Variants in SH3D19 observed in about 807,000 individuals in gnomAD.
SH3D19 encodes the protein SH3 domain containing 19.
In SH3D19, 58 loss-of-function variants were observed where a neutral mutation model predicts 112.1. The ratio of observed to expected loss-of-function variants is 0.52; its 90% CI spans 0.42 to 0.64. The LOEUF is 0.64. SH3D19 is among the 30% of genes least tolerant of loss of function. The pLI is 0.00. For missense variants in SH3D19, 1,090 were observed against 1,263.4 expected, an observed-to-expected ratio of 0.86 and a Z score of 2.08; for synonymous variants, 391 against 448.5, an observed-to-expected ratio of 0.87 and a Z score of 1.62.
chr4:151,206,698 C>A (rs914615451), intron 2 of SH3D19, among the ~76,000 whole-genome samples: 1 of 152,098 alleles, frequency 6.6e-6, no homozygotes, highest in African/African-American at 2.4e-5. Context: ...ACAACTGAAA[C>A]CCCTTTAAAC....
Position 151,135,749 on chromosome 4 carries a change from A to G in SH3D19, c.2428-617T>C, listed in dbSNP as rs548368004. Among the ~76,000 whole-genome samples, 24 of 152,248 alleles carry G rather than the reference A, an allele frequency of 1.6e-4. No homozygotes were observed. The South Asian group carries it at 5.0e-3, about 32-fold the overall frequency. On this transcript the variant is annotated intron_variant, in intron 14 of 19. Coordinates refer to ENST00000604030, the MANE Select transcript of SH3D19 (RefSeq NM_001378122.1). ...CTGCCAGCTCTATACCATATTTTCC[A>G]GGTTGAAAACTGCAGCTGAGAAGGA...
chr4:151,252,697 A>G (rs1771510890), intron 1 of SH3D19, among the ~76,000 whole-genome samples: 1 of 152,234 alleles, frequency 6.6e-6, no homozygotes, highest in Non-Finnish European at 1.5e-5. Flanking sequence ...TGCCTACTGG[A>G]CATCTCCAGC....
At chr4:151,186,047 A>G (rs546102029) in intron 3 of SH3D19, among the ~76,000 whole-genome samples, 4 of 152,182 alleles carry the variant, frequency 2.6e-5, no homozygotes, top group Admixed American at 1.3e-4. Flanking sequence ...ATCGGGGGGG[A>G]AAAACAACCA....
chr4:151,198,238 G>C (rs1763773066), intron 2 of SH3D19, among the ~76,000 whole-genome samples: 1 of 149,832 alleles, frequency 6.7e-6, no homozygotes, highest in East Asian at 1.9e-4. Flanking sequence ...CCGAGAGGTG[G>C]AGGTTGCAGT....
At chr4:151,222,469 T>A (rs992622708) in intron 2 of SH3D19, among the ~76,000 whole-genome samples, 2 of 152,160 alleles carry the variant, frequency 1.3e-5, no homozygotes, top group Non-Finnish European at 2.9e-5. Flanking sequence ...CTCCTAAGAA[T>A]CACATTCTCC....
rs754699935 is a variant in SH3D19, at chr4:151,174,707, G to C, written c.1497C>G (p.Asn499Lys). Residue 499 changes from asparagine (N) to lysine (K), a missense_variant, in exon 7 of 20, where the codon AAC becomes AAG. Transcript: ENST00000604030. ...DDDVLPTPSG[N>K]LAEESVGSEM... ...CTGAACCAACAGATTCTTCAGCCAG[G>C]TTCCCCGATGGGGTGGGCAAAACAT... 1 of 1,513,854 alleles carries C rather than the reference G, an allele frequency of 6.6e-7. No individual in the cohort carries two copies. The highest frequency in any genetic ancestry group is 8.8e-7 in the Non-Finnish European group (1 of 1,132,898). The allele number at this position is 1,513,854 out of a possible 1,614,324, so 93.8% of individuals were successfully genotyped here.
intron 1 of SH3D19, among the ~76,000 whole-genome samples, chr4:151,265,800 G>A (rs1344305456): frequency 6.6e-6 from 1 of 151,746 alleles, no homozygotes; most frequent in Non-Finnish European, 1.5e-5. Context: ...GCCCAGGTTG[G>A]TAATGAACTC....
rs1760000792 is a variant in SH3D19, at chr4:151,176,679, T to C, written c.384A>G (p.Pro128=). The change falls in exon 6 of 20, where the codon CCA becomes CCG. Residue 128 remains proline (P), a synonymous_variant. Coordinates refer to ENST00000604030, the MANE Select transcript of SH3D19 (RefSeq NM_001378122.1). ...PNELVPAELP[P]SYEQVIKEIN... ...TTTCTTTTATAACTTGTTCATAAGA[T>C]GGTGGGAGCTGAAAAGTAAAGAATG... 8.1e-7 allele frequency: 1 copy of C among 1,232,086 alleles called. No individual in the cohort carries two copies. Among genetic ancestry groups the C allele is most frequent in the African/African-American group, 1.5e-5 (1 of 64,552 alleles). 76.3% of individuals were successfully genotyped at this position (1,232,086 alleles called of 1,614,324 possible). A position where few individuals can be genotyped will look rare whatever the true frequency, so the allele number is the denominator to read the frequency against.
intron 1 of SH3D19, among the ~76,000 whole-genome samples, chr4:151,315,065 T>C (rs928523976): frequency 1.3e-5 from 2 of 152,084 alleles, no homozygotes; most frequent in African/African-American, 2.4e-5. Flanking sequence ...AGGGATTCCA[T>C]TCACCAAAAA....
intron 2 of SH3D19, among the ~76,000 whole-genome samples, chr4:151,219,551 G>C (rs1767690716): frequency 6.6e-6 from 1 of 152,134 alleles, no homozygotes; most frequent in African/African-American, 2.4e-5. Flanking sequence ...CCAATTCCAT[G>C]GAAGTGAAAT....
chr4:151,132,729 G>A (rs1047752652), intron 16 of SH3D19, among the ~76,000 whole-genome samples: 10 of 152,008 alleles, frequency 6.6e-5, no homozygotes, highest in African/African-American at 2.4e-4. Flanking sequence ...TTGAACTCCT[G>A]GTCTCAGGCA....
chr4:151,301,562 C>T (rs771078702), intron 1 of SH3D19, among the ~76,000 whole-genome samples: 7 of 152,012 alleles, frequency 4.6e-5, no homozygotes, highest in Non-Finnish European at 7.4e-5. Context: ...GTGGCACTCC[C>T]CGCTCTCTCT....
At chr4:151,255,081 C>A (rs1383930874) in intron 1 of SH3D19, among the ~76,000 whole-genome samples, 4 of 144,720 alleles carry the variant, frequency 2.8e-5, no homozygotes, top group Non-Finnish European at 4.6e-5. Context: ...GGGGGGCTGA[C>A]CCCCACCTCC....
chr4:151,212,940 T>A (rs1766205794), intron 2 of SH3D19, among the ~76,000 whole-genome samples: 1 of 152,144 alleles, frequency 6.6e-6, no homozygotes, highest in African/African-American at 2.4e-5. Flanking sequence ...TTGGAAGAAG[T>A]CGATTCCAAC....
intron 2 of SH3D19, among the ~76,000 whole-genome samples, chr4:151,225,211 C>T (rs774836990): frequency 6.6e-6 from 1 of 152,068 alleles, no homozygotes; most frequent in Non-Finnish European, 1.5e-5. Context: ...GCAGTCAATC[C>T]AATGAGTACA....
At chr4:151,132,698 C>A (rs1750978088) in intron 16 of SH3D19, among the ~76,000 whole-genome samples, 1 of 152,156 alleles carries the variant, frequency 6.6e-6, no homozygotes, top group African/African-American at 2.4e-5. Flanking sequence ...TGCAGTGGTA[C>A]AATCATAGCT....
At chr4:151,305,302 C>T (rs560665482) in intron 1 of SH3D19, among the ~76,000 whole-genome samples, 8 of 152,152 alleles carry the variant, frequency 5.3e-5, no homozygotes, top group African/African-American at 9.7e-5. Flanking sequence ...AGCCCAGATG[C>T]TGGATTTACT....
chr4:151,287,434 G>C (rs1369964484), intron 1 of SH3D19, among the ~76,000 whole-genome samples: 1 of 151,324 alleles, frequency 6.6e-6, no homozygotes, highest in East Asian at 1.9e-4. Flanking sequence ...TCACAAGGAA[G>C]CTATAGACCA....
intron 1 of SH3D19, among the ~76,000 whole-genome samples, chr4:151,260,844 T>C (rs975286302): frequency 1.3e-5 from 2 of 152,232 alleles, no homozygotes; most frequent in African/African-American, 4.8e-5. Context: ...AATGCTTTTA[T>C]CGATCTTAAG....
Sources: gnomAD v4.1 joint callset for allele counts (sites outside exome capture counted in the v4.1 genomes callset) on GRCh38, gnomAD v4.1.1 for gene constraint, MANE v1.5 for transcripts, NCBI Gene and HGNC (gene_info 2026-07-23, HGNC 2026-07-21) for gene names.